Variants in SLC12A6 observed in about 807,000 individuals in gnomAD.
The protein encoded by SLC12A6 is solute carrier family 12 member 6, also known as K-Cl cotransporter 3.
Under a neutral mutation model 135.3 loss-of-function variants are expected in SLC12A6, and 66 were observed. The ratio of observed to expected loss-of-function variants is 0.49; its 90% CI spans 0.40 to 0.60. The LOEUF (loss-of-function observed/expected upper bound fraction) is 0.60. SLC12A6 is among the 20% of genes least tolerant of loss of function. The pLI is 0.00. For missense variants in SLC12A6, 1,058 were observed against 1,452.3 expected (o/e 0.73, Z 4.41); for synonymous variants, 513 against 508.8 (o/e 1.01, Z -0.11).
intron 2 of SLC12A6, among the ~76,000 whole-genome samples, chr15:34,308,654 AAAC>A: frequency 5.4e-5 from 6 of 110,716 alleles, no homozygotes; most frequent in African/African-American, 2.1e-4. Context: ...AAAAAAAAAC[AAAC>A]CAGATTGTTG....
At chr15:34,296,188 G>A (rs932898978) in intron 2 of SLC12A6, among the ~76,000 whole-genome samples, 15 of 152,218 alleles carry the variant, frequency 9.9e-5, no homozygotes, top group Non-Finnish European at 8.8e-5. Flanking sequence ...TGGGGAACAA[G>A]AGTGAGCATA....
chr15:34,311,830 C>T (rs781024119), intron 2 of SLC12A6, among the ~76,000 whole-genome samples: 2 of 151,930 alleles, frequency 1.3e-5, no homozygotes, highest in Admixed American at 6.6e-5. Flanking sequence ...TGTGCTATAC[C>T]CTGCTCTCAT....
intron 16 of SLC12A6, 48 bp downstream of exon 16, chr15:34,243,926 T>C (rs933680211): frequency 3.6e-6 from 4 of 1,125,810 alleles, no homozygotes; most frequent in African/African-American, 1.5e-5. Context: ...AGTTCAAAGA[T>C]GGGTTCTCTC....
chr15:34,236,015 G>A lies in SLC12A6; in HGVS notation c.3227C>T (p.Pro1076Leu). The A allele has an allele frequency of 3.1e-6, 5 of 1,612,082 alleles. No homozygotes were observed. The highest frequency in any genetic ancestry group is 1.1e-5 in the South Asian group (1 of 91,034). ...EGFQDLLNMR[P>L]DQSNVRRMHT... ...TAAACTTGGGAGTGGGAAAACTTAC[G>A]GACGCATGTTAAGCAGGTCCTGGAA... Residue 1076 changes from proline to leucine, a missense_variant and splice_region_variant, in exon 24 of 26, where the codon CCG becomes CTG. Transcript: ENST00000354181.
intron 2 of SLC12A6, among the ~76,000 whole-genome samples, chr15:34,299,884 T>C (rs549930380): frequency 6.6e-6 from 1 of 152,176 alleles, no homozygotes; most frequent in Non-Finnish European, 1.5e-5. Flanking sequence ...AGGATGAGAT[T>C]TACATATGAG....
intron 2 of SLC12A6, among the ~76,000 whole-genome samples, chr15:34,286,137 G>C (rs558180045): frequency 6.6e-6 from 1 of 151,766 alleles, no homozygotes; most frequent in Admixed American, 6.6e-5. Context: ...GTGGTAGCAC[G>C]ATCTAAGTTC....
chr15:34,336,961 C>T (rs981976577), intron 1 of SLC12A6: 1 of 461,076 alleles, frequency 2.2e-6, no homozygotes. Flanking sequence ...GACTTCTTTC[C>T]TTCAGAATGA....
intron 2 of SLC12A6, among the ~76,000 whole-genome samples, chr15:34,321,543 G>T (rs1202834616): frequency 6.6e-6 from 1 of 152,158 alleles, no homozygotes; most frequent in African/African-American, 2.4e-5. Flanking sequence ...GTTGTTGGGG[G>T]TATAAATTAG....
chr15:34,335,933 G>A (rs1468827465), intron 2 of SLC12A6, among the ~76,000 whole-genome samples: 1 of 152,126 alleles, frequency 6.6e-6, no homozygotes, highest in African/African-American at 2.4e-5. Context: ...TTTCAAAAAA[G>A]AATTTTGCAA....
chr15:34,300,476 G>C (rs1374966711), intron 2 of SLC12A6, among the ~76,000 whole-genome samples: 1 of 152,074 alleles, frequency 6.6e-6, no homozygotes, highest in African/African-American at 2.4e-5. Context: ...CCTACCCCTA[G>C]CCATAACACA....
chr15:34,310,629 AGTGTGTGTGTGTGTGT>A (rs61718499), intron 2 of SLC12A6, among the ~76,000 whole-genome samples: 96 of 6,022 alleles, frequency 0.016, 11 homozygotes, highest in African/African-American at 0.03. Flanking sequence ...CCTGGGCTCA[AGTGTGTGTGTGTGTGT>A]GTGTGTGTGT....
chr15:34,266,722 G>A (rs766808991), intron 3 of SLC12A6, among the ~76,000 whole-genome samples: 1 of 152,088 alleles, frequency 6.6e-6, no homozygotes, highest in African/African-American at 2.4e-5. Flanking sequence ...GTGAGCCACC[G>A]GGCCTGGCTG....
chr15:34,270,054 C>A (rs751053209), intron 3 of SLC12A6, among the ~76,000 whole-genome samples: 1 of 148,988 alleles, frequency 6.7e-6, no homozygotes, highest in Non-Finnish European at 1.5e-5. Context: ...AAAAACAGGA[C>A]GAATAATTCT....
chr15:34,286,871 CAA>C (rs1208400455), intron 2 of SLC12A6, among the ~76,000 whole-genome samples: 1 of 152,020 alleles, frequency 6.6e-6, no homozygotes, highest in Non-Finnish European at 1.5e-5. Flanking sequence ...TACTATGCTT[CAA>C]AAGAGGACAA....
At chr15:34,271,602 T>TACACACACACACACACACACACACACAC (rs10588100) in intron 3 of SLC12A6, among the ~76,000 whole-genome samples, 2 of 148,826 alleles carry the variant, frequency 1.3e-5, no homozygotes, top group Non-Finnish European at 3.0e-5. Flanking sequence ...AGTGCAAAGC[T>TACACACACACACACACACACACACACAC]ACACACACAC....
intron 25 of SLC12A6, among the ~76,000 whole-genome samples, chr15:34,234,946 G>T (rs1485374429): frequency 6.6e-6 from 1 of 152,194 alleles, no homozygotes; most frequent in African/African-American, 2.4e-5. Flanking sequence ...CTGAATATTA[G>T]ATGTCATGTT....
intron 2 of SLC12A6, among the ~76,000 whole-genome samples, chr15:34,330,673 A>C (rs1889777883): frequency 6.9e-6 from 1 of 144,216 alleles, no homozygotes; most frequent in African/African-American, 2.7e-5. Flanking sequence ...TCTCAAAAAA[A>C]AAACAAAAAC....
intron 2 of SLC12A6, among the ~76,000 whole-genome samples, chr15:34,307,061 C>T (rs773332422): frequency 2.5e-4 from 38 of 151,952 alleles, no homozygotes; most frequent in Non-Finnish European, 5.1e-4. Flanking sequence ...CTGGGGGTGA[C>T]GAAAATGTTC....
chr15:34,306,763 T>C (rs529060563), intron 2 of SLC12A6, among the ~76,000 whole-genome samples: 2 of 152,340 alleles, frequency 1.3e-5, no homozygotes, highest in South Asian at 2.1e-4. Flanking sequence ...CAAACATCTG[T>C]GGACTGCATT....
Sources: allele counts gnomAD v4.1 joint callset (sites outside exome capture counted in the v4.1 genomes callset), GRCh38; gene constraint gnomAD v4.1.1; transcripts MANE v1.5; gene names NCBI Gene and HGNC (gene_info 2026-07-23, HGNC 2026-07-21).